The following DELE1 variants were observed in gnomAD, a reference collection of about 807,000 sequenced individuals.
DELE1 encodes the protein death ligand signal enhancer.
Under a neutral mutation model 59.3 loss-of-function variants are expected in DELE1, and 54 were observed. The ratio of observed to expected loss-of-function variants is 0.91; its 90% CI spans 0.73 to 1.14. The LOEUF is 1.14. DELE1 is among the 50% of genes most tolerant of loss of function. DELE1 has a pLI of 0.00. For missense variants in DELE1, 636 were observed against 643.9 expected, an observed-to-expected ratio of 0.99 and a Z score of 0.13; for synonymous variants, 264 against 259.1, an observed-to-expected ratio of 1.02 and a Z score of -0.18.
In DELE1 at chr5:141,929,820, G is replaced by A. The variant is rs6862824; in HGVS notation, c.571+80G>A. 24,078 of 1,567,650 alleles carry A rather than the reference G, an allele frequency of 0.015. 3,106 individuals carry two copies. The African/African-American group carries it at 0.28, about 18-fold the overall frequency. ...GGGCAAGATGGACGTTGTTTGCTGC[G>A]AAGGGAATTGGCACTCCTGTGAGGT... is the stretch of plus-strand genomic sequence containing the variant. On this transcript the variant is annotated intron_variant, in intron 5 of 11. Coordinates refer to ENST00000432126, the MANE Select transcript of DELE1 (RefSeq NM_014773.5).
At position 141,930,053 on chromosome 5, in the gene DELE1, G is replaced by C. The variant is rs1485134177; in HGVS notation, c.636G>C (p.Gln212His). 1 of 1,614,202 alleles carries C rather than the reference G, an allele frequency of 6.2e-7. No individual in the cohort carries two copies. The highest frequency in any genetic ancestry group is 1.3e-5 in the African/African-American group (1 of 75,046). Residue 212 changes from glutamine (Q) to histidine (H), a missense_variant, in exon 6 of 12, where the codon CAG becomes CAC. Gln to His is a conservative substitution (Grantham distance 24, BLOSUM62 0). Transcript: ENST00000432126. ...TCGAGTCCGAGGCAAAACCAGCCCA[G>C]CCTCAGCCCACTGGTGAAAAGGTAT... The part of the protein sequence containing the change: ...SSIESEAKPA[Q>H]PQPTGEKEQD...
In DELE1 at chr5:141,925,421, A is replaced by G. The variant is rs757834084; in HGVS notation, c.158A>G (p.His53Arg). 16 of 1,587,874 alleles carry G rather than the reference A, an allele frequency of 1.0e-5. No homozygotes were observed. In the Middle Eastern group the frequency reaches 5.0e-4, roughly 50 times the overall value. ...ATTTCATCATCTAGGTCAGGTCCCC[A>G]TGGCCCAGGCACGAGCGGGGGTCCA... ...PVPNLDRSGPHGPGTSGGPRS... is the reference protein window; with the variant it reads ...PVPNLDRSGPRGPGTSGGPRS... Residue 53 changes from histidine (H) to arginine (R), a missense_variant, in exon 3 of 12, where the codon CAT becomes CGT. Transcript: ENST00000432126.
chr5:141,930,921 C>A (rs947891740), intron 7 of DELE1, among the ~76,000 whole-genome samples: 2 of 152,190 alleles, frequency 1.3e-5, no homozygotes, highest in African/African-American at 4.8e-5. Flanking sequence ...TCATTCACAA[C>A]AAATTTGTTG....
rs1752712330 is a variant in DELE1, at chr5:141,941,103, TC to T, written c.*2347del. On this transcript the variant is annotated 3_prime_UTR_variant, in exon 12 of 12. Coordinates refer to ENST00000432126, the MANE Select transcript of DELE1 (RefSeq NM_014773.5). ...CTGCGTGAAATGTCACCGTGTGCCC[TC>T]CCTGTGGAGCCCCACTCCCCAGCCT... 1.0e-6 allele frequency: 1 copy of T among 985,342 alleles called. No individual in the cohort carries two copies. The highest frequency in any genetic ancestry group is 6.1e-5 in the Admixed American group (1 of 16,266). The allele number at this position is 985,342 out of a possible 1,614,324, so 61.0% of individuals were successfully genotyped here. A position where few individuals can be genotyped will look rare whatever the true frequency, so the allele number is the denominator to read the frequency against.
intron 2 of DELE1, among the ~76,000 whole-genome samples, chr5:141,924,954 G>T (rs543847722): frequency 6.6e-6 from 1 of 151,444 alleles, no homozygotes. Context: ...TTGAGACAGA[G>T]TCTCGCTCTG....
chr5:141,933,151 C>A, intron 7 of DELE1, 108 bp from the exon 8 acceptor site: 2 of 505,280 alleles, frequency 4.0e-6, no homozygotes, highest in South Asian at 5.6e-5. Flanking sequence ...GTGTCTGGCA[C>A]AAAAAAAGAA....
At chr5:141,929,072 G>A (rs1751662152) in intron 4 of DELE1, among the ~76,000 whole-genome samples, 1 of 152,154 alleles carries the variant, frequency 6.6e-6, no homozygotes, top group African/African-American at 2.4e-5. Context: ...TAGGGTGGGA[G>A]ATCAGCACAA....
chr5:141,924,087 G>A (rs1751162454), intron 1 of DELE1, 115 bp downstream of exon 1: 1 of 1,391,192 alleles, frequency 7.2e-7, no homozygotes, highest in African/African-American at 1.4e-5. Context: ...GCCAAGGAAG[G>A]CGGGGCTTGA....
rs1752750502 is a variant in DELE1 at position 141,941,751 on chromosome 5, A to G, written c.*2992A>G. 1 of 985,358 alleles carries G rather than the reference A, an allele frequency of 1.0e-6. No individual in the cohort carries two copies. The highest frequency in any genetic ancestry group is 1.2e-6 in the Non-Finnish European group (1 of 829,914). 61.0% of individuals were successfully genotyped at this position (985,358 alleles called of 1,614,324 possible). On this transcript the variant is annotated 3_prime_UTR_variant, in exon 12 of 12. Coordinates refer to ENST00000432126, the MANE Select transcript of DELE1 (RefSeq NM_014773.5). ...GGAACAAGGCTATTTGGTTTACTAT[A>G]TCATTAGTGCTAATATAGTGTGGGG...
chr5:141,929,935 A>C, intron 5 of DELE1, 54 bp from the exon 6 acceptor site: 1 of 1,575,510 alleles, frequency 6.3e-7, no homozygotes, highest in Non-Finnish European at 8.7e-7. Flanking sequence ...AGTCGGAGAA[A>C]AGAAGTACAA....
At position 141,934,583 on chromosome 5, in the gene DELE1, T is replaced by C; in HGVS notation, c.1146T>C (p.Asn382=). 1 of 1,613,970 alleles carries C rather than the reference T, an allele frequency of 6.2e-7. No homozygotes were observed. Among genetic ancestry groups the C allele is most frequent in the Non-Finnish European group, 8.5e-7 (1 of 1,179,836 alleles). ...AVKYLWLAAN[N]GDSQSRYHLG... is the part of the protein sequence containing the mutation. ...AATATCTTTGGCTTGCAGCCAACAATGGGGTATGCGATCTCAGTGGACAAG... is the reference window on the plus strand; with the variant it reads ...AATATCTTTGGCTTGCAGCCAACAACGGGGTATGCGATCTCAGTGGACAAG... Residue 382 remains asparagine (N), a synonymous_variant, in exon 10 of 12, where the codon AAT becomes AAC. Coordinates refer to ENST00000432126, the MANE Select transcript of DELE1 (RefSeq NM_014773.5).
chr5:141,933,105 A>ATAT (rs1440686617), intron 7 of DELE1, among the ~76,000 whole-genome samples, 154 bp from the exon 8 acceptor site: 1 of 139,238 alleles, frequency 7.2e-6, no homozygotes, highest in African/African-American at 2.8e-5. Context: ...AAAAAAAAAA[A>ATAT]AAAAAAATAT....
chr5:141,935,017 G>T, intron 10 of DELE1: 1 of 167,176 alleles, frequency 6.0e-6, no homozygotes, highest in East Asian at 1.7e-4. Flanking sequence ...TGGTTGTGAG[G>T]ATCAAAATCT....
Position 141,939,558 on chromosome 5 carries a change from TC to T in DELE1, c.*800del, listed in dbSNP as rs1385637287. 3.0e-6 allele frequency: 3 copies of T among 985,656 alleles called. No individual in the cohort carries two copies. The African/African-American group carries it at 5.2e-5, about 17-fold the overall frequency. The allele number at this position is 985,656 out of a possible 1,614,324, so 61.1% of individuals were successfully genotyped here. A position where few individuals can be genotyped will look rare whatever the true frequency, so the allele number is the denominator to read the frequency against. ...ATGTGTCTGCTTGACTTTCAGAACT[TC>T]TCACCTCAGCCCTAAAGAGGGAGCC... On this transcript the variant is annotated 3_prime_UTR_variant, in exon 12 of 12. Coordinates refer to ENST00000432126, the MANE Select transcript of DELE1 (RefSeq NM_014773.5).
In DELE1 at chr5:141,929,992, C is replaced by T; in HGVS notation, c.575C>T (p.Pro192Leu). The change falls in exon 6 of 12, where the codon CCC becomes CTC. Residue 192 changes from proline (P) to leucine (L), a missense_variant. Transcript: ENST00000432126. The part of the protein sequence containing the change: ...ARPQDPSEEG[P>L]GDFGFLHASS... ...GGTGTCGGCCTTTCCCTTGCAGGTC[C>T]CGGTGATTTTGGCTTCCTGCATGCC... 1 of 1,614,022 alleles carries T rather than the reference C, an allele frequency of 6.2e-7. No individual in the cohort carries two copies. Among genetic ancestry groups the T allele is most frequent in the Non-Finnish European group, 8.5e-7 (1 of 1,179,992 alleles).
chr5:141,931,838 G>C (rs1751936549), intron 7 of DELE1, among the ~76,000 whole-genome samples: 1 of 152,204 alleles, frequency 6.6e-6, no homozygotes, highest in East Asian at 1.9e-4. Flanking sequence ...GATGGGCAAA[G>C]AGTCTCTTCT....
rs1055011503 is a variant in DELE1, at chr5:141,938,907, A to G, written c.*148A>G. On this transcript the variant is annotated 3_prime_UTR_variant, in exon 12 of 12. Coordinates refer to ENST00000432126, the MANE Select transcript of DELE1 (RefSeq NM_014773.5). ...AAGCAATTTCACGTACATGGCTGGT[A>G]AGTGACTGATCTTTCCCCCCGCTTG... 1.4e-6 allele frequency: 2 copies of G among 1,450,774 alleles called. No individual in the cohort carries two copies. Among genetic ancestry groups the G allele is most frequent in the Non-Finnish European group, 1.8e-6 (2 of 1,107,220 alleles). 89.9% of individuals were successfully genotyped at this position (1,450,774 alleles called of 1,614,324 possible). A position where few individuals can be genotyped will look rare whatever the true frequency, so the allele number is the denominator to read the frequency against.
chr5:141,938,937 C>T lies in DELE1; in HGVS notation c.*178C>T. 1.4e-6 allele frequency: 2 copies of T among 1,426,470 alleles called. No individual in the cohort carries two copies. The highest frequency in any genetic ancestry group is 1.8e-6 in the Non-Finnish European group (2 of 1,094,122). 88.4% of individuals were successfully genotyped at this position (1,426,470 alleles called of 1,614,324 possible). On this transcript the variant is annotated 3_prime_UTR_variant, in exon 12 of 12. Coordinates refer to ENST00000432126, the MANE Select transcript of DELE1 (RefSeq NM_014773.5). Reference sequence around the variant, plus strand: ...ACTGATCTTTCCCCCCGCTTGGTAGCCTCACAGATGAGTCTTGGATGCATT... The same window carrying T: ...ACTGATCTTTCCCCCCGCTTGGTAGTCTCACAGATGAGTCTTGGATGCATT...
intron 3 of DELE1, among the ~76,000 whole-genome samples, chr5:141,926,021 A>T (rs1322819846): frequency 1.3e-5 from 2 of 152,092 alleles, no homozygotes; most frequent in Non-Finnish European, 2.9e-5. Flanking sequence ...CTGGGATTAC[A>T]GGCACGTGCC....
Sources: allele counts gnomAD v4.1 joint callset (sites outside exome capture counted in the v4.1 genomes callset), GRCh38; gene constraint gnomAD v4.1.1; transcripts MANE v1.5; gene names NCBI Gene and HGNC (gene_info 2026-07-23, HGNC 2026-07-21).